CNNM2: variants seen among roughly 807,000 people sequenced by gnomAD.
CNNM2 encodes metal transporter CNNM2.
CNNM2 carries 12 observed loss-of-function variants against 66.9 expected under a neutral mutation model. The ratio of observed to expected loss-of-function variants is 0.18; its 90% CI spans 0.11 to 0.29. The LOEUF is 0.29. Among genes scored for constraint, CNNM2 ranks in the 10% least tolerant of loss-of-function variants. The pLI is 1.00. For synonymous variants in CNNM2, 557 were observed against 501.8 expected, an observed-to-expected ratio of 1.11 and a Z score of -1.47; for missense variants, 705 against 1,167.7, an observed-to-expected ratio of 0.60 and a Z score of 5.77.
rs1373619366 is a variant in CNNM2, at chr10:103,087,320, C to T, written c.*10140C>T. The T allele has an allele frequency of 6.6e-6, 1 of 151,952 alleles. No homozygotes were observed. The highest frequency in any genetic ancestry group is 1.5e-5 in the Non-Finnish European group (1 of 68,012). The allele number at this position is 151,952 out of a possible 1,614,324, so 9.4% of individuals were successfully genotyped here. On this transcript the variant is annotated 3_prime_UTR_variant, in exon 8 of 8. Coordinates refer to ENST00000369878, the MANE Select transcript of CNNM2 (RefSeq NM_017649.5). Reference sequence around the variant, plus strand: ...CCAGCACACTCTTAAGAATAATATACAGAGAGGCACCATTTTGCTCTGGGT... The same window carrying T: ...CCAGCACACTCTTAAGAATAATATATAGAGAGGCACCATTTTGCTCTGGGT...
chr10:102,924,429 G>C (rs565608523), intron 1 of CNNM2, among the ~76,000 whole-genome samples: 43 of 152,168 alleles, frequency 2.8e-4, no homozygotes, highest in Non-Finnish European at 5.3e-4. Context: ...CTTTTTCTTA[G>C]TAACAGGTGG....
At chr10:103,036,021 T>TA (rs1184108331) in intron 1 of CNNM2, among the ~76,000 whole-genome samples, 4 of 152,274 alleles carry the variant, frequency 2.6e-5, no homozygotes, top group African/African-American at 7.2e-5. Context: ...AATGAGAACT[T>TA]AGTTTAATCC....
chr10:103,043,544 G>A (rs1316506871), intron 1 of CNNM2, among the ~76,000 whole-genome samples: 9 of 152,354 alleles, frequency 5.9e-5, no homozygotes, highest in Non-Finnish European at 2.9e-5. Flanking sequence ...AAGGTTAAAA[G>A]ATGCAAATGT....
chr10:102,999,075 T>G (rs2064060703), intron 1 of CNNM2, among the ~76,000 whole-genome samples: 1 of 148,518 alleles, frequency 6.7e-6, no homozygotes, highest in African/African-American at 2.4e-5. Flanking sequence ...ATTTCTTTTT[T>G]CTTTTTTTTT....
intron 1 of CNNM2, among the ~76,000 whole-genome samples, chr10:102,958,459 G>GTTTTTTT (rs33992570): frequency 9.7e-5 from 5 of 51,744 alleles, no homozygotes; most frequent in Non-Finnish European, 1.4e-4. Context: ...CAAGCAACTT[G>GTTTTTTT]TTTTTTTTTT....
intron 4 of CNNM2, among the ~76,000 whole-genome samples, chr10:103,057,294 C>A (rs764329589): frequency 9.2e-5 from 14 of 151,758 alleles, no homozygotes; most frequent in Admixed American, 2.0e-4. Context: ...ATGGCGAGAC[C>A]ACCATCTCTA....
At chr10:103,073,456 C>T (rs1426610376) in intron 6 of CNNM2, among the ~76,000 whole-genome samples, 3 of 152,058 alleles carry the variant, frequency 2.0e-5, no homozygotes, top group Non-Finnish European at 4.4e-5. Flanking sequence ...AGTAAGATCT[C>T]GTTTCAAAAA....
intron 1 of CNNM2, among the ~76,000 whole-genome samples, chr10:103,031,949 C>T (rs968712577): frequency 7.2e-5 from 11 of 152,148 alleles, no homozygotes; most frequent in Non-Finnish European, 1.3e-4. Flanking sequence ...AAATATTGAG[C>T]ATTAGCAATG....
intron 7 of CNNM2, among the ~76,000 whole-genome samples, chr10:103,076,762 G>A (rs952405906): frequency 4.6e-5 from 7 of 152,196 alleles, no homozygotes; most frequent in African/African-American, 1.7e-4. Context: ...CTAAAATTTT[G>A]AGACAATATT....
chr10:102,999,983 C>T (rs1361082260), intron 1 of CNNM2, among the ~76,000 whole-genome samples: 3 of 152,122 alleles, frequency 2.0e-5, no homozygotes, highest in African/African-American at 7.2e-5. Context: ...TGCCTGTAAT[C>T]CCAGCAGTTT....
At chr10:102,976,206 T>C (rs893379142) in intron 1 of CNNM2, among the ~76,000 whole-genome samples, 8 of 152,096 alleles carry the variant, frequency 5.3e-5, no homozygotes, top group Non-Finnish European at 1.0e-4. Context: ...ATTTACAAAA[T>C]CTTTGGAGGG....
chr10:102,956,879 T>A (rs1458443352), intron 1 of CNNM2, among the ~76,000 whole-genome samples: 1 of 152,142 alleles, frequency 6.6e-6, no homozygotes, highest in Non-Finnish European at 1.5e-5. Flanking sequence ...AAATACCTAA[T>A]GTAAACGACG....
intron 1 of CNNM2, among the ~76,000 whole-genome samples, chr10:103,021,351 C>T (rs1215797157): frequency 6.6e-6 from 1 of 152,122 alleles, no homozygotes. Flanking sequence ...GCGGCGCATT[C>T]CTGAGTCTTC....
intron 1 of CNNM2, among the ~76,000 whole-genome samples, chr10:102,923,509 T>G (rs374438949): frequency 6.4e-4 from 98 of 152,330 alleles, no homozygotes; most frequent in African/African-American, 2.1e-3. Context: ...CTCTCTCTTA[T>G]GCTGCTCTCC....
In CNNM2 at chr10:103,089,337, T is replaced by C. The variant is rs1451316494; in HGVS notation, c.*12157T>C. ...CACTCTTTGTTCCACTCTGAGACTC[T>C]TTCCTTTTCCTCGTGTATCCAGATA... On this transcript the variant is annotated 3_prime_UTR_variant, in exon 8 of 8. Coordinates refer to ENST00000369878, the MANE Select transcript of CNNM2 (RefSeq NM_017649.5). The C allele has an allele frequency of 7.8e-6, 2 of 256,498 alleles. No homozygotes were observed. Among genetic ancestry groups the C allele is most frequent in the Non-Finnish European group, 7.5e-6 (1 of 134,128 alleles). 15.9% of individuals were successfully genotyped at this position (256,498 alleles called of 1,614,324 possible).
chr10:103,029,865 C>CAA (rs987996373), intron 1 of CNNM2, among the ~76,000 whole-genome samples: 12 of 95,130 alleles, frequency 1.3e-4, no homozygotes, highest in African/African-American at 2.3e-4. Flanking sequence ...GACTCCGTCT[C>CAA]AAAAAAAAAA....
At chr10:102,969,579 A>G (rs1002258163) in intron 1 of CNNM2, among the ~76,000 whole-genome samples, 1 of 151,972 alleles carries the variant, frequency 6.6e-6, no homozygotes, top group Non-Finnish European at 1.5e-5. Context: ...TTAATATTGT[A>G]AATTATTTCG....
Position 102,920,185 on chromosome 10 carries a change from C to T in CNNM2, c.1621+84C>T, listed in dbSNP as rs1845568692. 3.7e-6 allele frequency: 6 copies of T among 1,610,640 alleles called. No homozygotes were observed. In the South Asian group the frequency reaches 6.6e-5, roughly 18 times the overall value. On this transcript the variant is annotated intron_variant, in intron 1 of 7. Coordinates refer to ENST00000369878, the MANE Select transcript of CNNM2 (RefSeq NM_017649.5). ...CTTGAGTCCTCTACCCTCAGACCAA[C>T]CCCCCAAGGCGAGTTGACCGGGATT... is the stretch of plus-strand genomic sequence containing the variant.
At chr10:103,035,934 C>T (rs907370443) in intron 1 of CNNM2, among the ~76,000 whole-genome samples, 8 of 152,290 alleles carry the variant, frequency 5.3e-5, no homozygotes, top group Middle Eastern at 3.4e-3. Flanking sequence ...GTTCATGGAT[C>T]GAATTCTCTG....
Sources: allele counts gnomAD v4.1 joint callset (sites outside exome capture counted in the v4.1 genomes callset), GRCh38; gene constraint gnomAD v4.1.1; transcripts MANE v1.5; gene names NCBI Gene and HGNC (gene_info 2026-07-23, HGNC 2026-07-21).